ZIM2: variants seen among roughly 807,000 people sequenced by gnomAD.
The protein encoded by ZIM2 is zinc finger protein 656.
ZIM2 carries 14 observed loss-of-function variants against 38.6 expected under a neutral mutation model. The ratio of observed to expected loss-of-function variants is 0.36; its 90% confidence interval spans 0.24 to 0.57. The LOEUF is 0.57. Ranked by LOEUF, ZIM2 falls within the 20% of genes least tolerant of loss-of-function variation. The probability of loss-of-function intolerance (pLI) is 0.81; values close to 1 mark genes in which losing one functional copy is unlikely to be tolerated. For synonymous variants in ZIM2, 247 were observed against 245.8 expected (o/e 1.00, Z -0.04); for missense variants, 680 against 695.1 (o/e 0.98, Z 0.24).
rs549496099 is a variant in ZIM2, at chr19:56,792,761, TCCA to T, written c.491-2813_491-2811del. Among the ~76,000 whole-genome samples, 614 of 152,128 alleles carry T rather than the reference TCCA, an allele frequency of 4.0e-3. 4 individuals carry two copies. Among genetic ancestry groups the T allele is most frequent in the African/African-American group, 0.014 (577 of 41,498 alleles). On this transcript the variant is annotated intron_variant, in intron 9 of 12. Coordinates refer to ENST00000629319, the MANE Select transcript of ZIM2 (RefSeq NM_001387356.1). ...ATTAGAAGCCCAAACTTCAGCAGCA[TCCA>T]ATATACCCATGTAATAAACTTGCAA...
rs548849327 is a variant in ZIM2, at chr19:56,817,620, TAAG to T, written c.490+123_490+125del. The stretch of plus-strand genomic sequence containing the variant: ...AAATGTAAATACTCCCTAGTCCCCA[TAAG>T]AAGGACAGTGGGACTTGGAGGGGTG... On this transcript the variant is annotated intron_variant, in intron 9 of 12. Coordinates refer to ENST00000629319, the MANE Select transcript of ZIM2 (RefSeq NM_001387356.1). 1.2e-3 allele frequency: 1,919 copies of T among 1,552,098 alleles called. 20 individuals carry two copies. The African/African-American group carries it at 0.023, about 19-fold the overall frequency.
At chr19:56,816,719 T>A in intron 9 of ZIM2, 1 of 1,614,176 alleles carries the variant, frequency 6.2e-7, no homozygotes, top group Non-Finnish European at 8.5e-7. Flanking sequence ...AGGGCAGAAC[T>A]ATGAAGGAAG....
intron 7 of ZIM2, among the ~76,000 whole-genome samples, chr19:56,819,056 G>A (rs1305344033): frequency 6.6e-6 from 1 of 152,222 alleles, no homozygotes; most frequent in African/African-American, 2.4e-5. Flanking sequence ...TTCAGGGTGG[G>A]CCTGAACAGT....
rs1187440479 is a variant in ZIM2 at position 56,814,185 on chromosome 19, G to A, written c.490+3561C>T. The A allele has an allele frequency of 9.3e-6, 15 of 1,612,890 alleles. No individual in the cohort carries two copies. Among genetic ancestry groups the A allele is most frequent in the Middle Eastern group, 1.6e-4 (1 of 6,082 alleles). Reference sequence around the variant, plus strand: ...CTCCATCTGGCCCTTCAGCCTCTCCGTTTGGCTCAGCAGCCTCCACTTCTG... The same window carrying A: ...CTCCATCTGGCCCTTCAGCCTCTCCATTTGGCTCAGCAGCCTCCACTTCTG... On this transcript the variant is annotated intron_variant, in intron 9 of 12. Transcript: ENST00000629319. The surrounding 1 kb of genome is among the most constrained non-coding windows in gnomAD (Gnocchi z 5.8).
At chr19:56,827,657 T>C (rs1394638773) in intron 2 of ZIM2, among the ~76,000 whole-genome samples, 2 of 152,246 alleles carry the variant, frequency 1.3e-5, no homozygotes, top group Non-Finnish European at 2.9e-5. Flanking sequence ...CTCAGAGATA[T>C]GTAATGACCT....
At chr19:56,782,506 T>G (rs1397175011) in intron 10 of ZIM2, 2 of 450,518 alleles carry the variant, frequency 4.4e-6, no homozygotes, top group Non-Finnish European at 8.9e-6. Flanking sequence ...TGAAGAAATA[T>G]TCAATCTTGT....
chr19:56,812,636 G>A, intron 9 of ZIM2: 2 of 985,660 alleles, frequency 2.0e-6, no homozygotes, highest in Non-Finnish European at 2.4e-6. Context: ...GTGATGAAAG[G>A]TTATTAGCCT....
rs755680302 is a variant in ZIM2 at position 56,814,113 on chromosome 19, GGCCTCTCCATTTGGCTGTCCA to G, written c.490+3612_490+3632del. On this transcript the variant is annotated intron_variant, in intron 9 of 12. Transcript: ENST00000629319. This position sits in a 1 kb window ranked among gnomAD's most constrained non-coding sequence, Gnocchi z 5.8. ...CATCAGCATCCCCATTTGGCTGCTCGGCCTCTCCATTTGGCTGTCCAGCCTCTCCAATGGGCTCTGCAGCCT... is the reference window on the plus strand; with the variant it reads ...CATCAGCATCCCCATTTGGCTGCTCGGCCTCTCCAATGGGCTCTGCAGCCT... 5.0e-6 allele frequency: 8 copies of G among 1,613,802 alleles called. No individual in the cohort carries two copies. Among genetic ancestry groups the G allele is most frequent in the Middle Eastern group, 1.6e-4 (1 of 6,062 alleles).
rs2045925023 is a variant in ZIM2, at chr19:56,774,915, G to C, written c.1450C>G (p.Arg484Gly). ...ACGTAGTCATGTTTCCGCTGATAAC[G>C]AATTAAGTATGTCTTGCTGTGGGAC... ...GLSHSKTYLI[R>G]YQRKHDYVGE... is the part of the protein sequence containing the mutation. Residue 484 changes from arginine to glycine, a missense_variant, in exon 13 of 13, where the codon CGT becomes GGT. Coordinates refer to ENST00000629319, the MANE Select transcript of ZIM2 (RefSeq NM_001387356.1). The C allele has an allele frequency of 6.2e-7, 1 of 1,614,030 alleles. No homozygotes were observed. The highest frequency in any genetic ancestry group is 1.7e-5 in the Admixed American group (1 of 60,000).
chr19:56,836,969 C>CAAAAAAAAA (rs573566620), intron 1 of ZIM2, among the ~76,000 whole-genome samples: 5 of 116,990 alleles, frequency 4.3e-5, no homozygotes, highest in East Asian at 2.9e-4. Context: ...GACTCTGTCT[C>CAAAAAAAAA]AAAAAAAAAA....
At chr19:56,832,443 C>T (rs571852232) in intron 2 of ZIM2, among the ~76,000 whole-genome samples, 3 of 152,312 alleles carry the variant, frequency 2.0e-5, no homozygotes, top group South Asian at 2.1e-4. Context: ...GCTGTCTAGC[C>T]GTCATATGGC....
At chr19:56,805,607 A>G (rs537631889) in intron 9 of ZIM2, among the ~76,000 whole-genome samples, 24 of 152,158 alleles carry the variant, frequency 1.6e-4, no homozygotes, top group African/African-American at 5.3e-4. Flanking sequence ...TGGCATATGG[A>G]TCTCTTGTGG....
chr19:56,775,327 A>T lies in ZIM2; in HGVS notation c.1038T>A (p.Cys346Ter). The T allele has an allele frequency of 1.9e-6, 3 of 1,614,176 alleles. No individual in the cohort carries two copies. The highest frequency in any genetic ancestry group is 2.5e-6 in the Non-Finnish European group (3 of 1,180,020). ...DPQEGTAPGICTSPQSASQEN... is the reference protein window; with the variant it reads ...DPQEGTAPGI ...CTTGGGATGCTGACTGGGGACTCGT[A>T]CATATTCCAGGAGCAGTGCCTTCCT... Residue 346 changes from cysteine to a stop codon, truncating the protein, a stop_gained, in exon 13 of 13, where the codon TGT becomes TGA. Coordinates refer to ENST00000629319, the MANE Select transcript of ZIM2 (RefSeq NM_001387356.1). LOFTEE classifies it low-confidence loss of function (END_TRUNC).
intron 3 of ZIM2, chr19:56,824,779 T>C: frequency 1.1e-6 from 1 of 949,228 alleles, no homozygotes; most frequent in Middle Eastern, 3.1e-4. Flanking sequence ...GTCCCAGAAG[T>C]TGAAGACCAG....
intron 9 of ZIM2, chr19:56,811,555 C>T (rs963146405): frequency 3.2e-5 from 32 of 985,164 alleles, no homozygotes; most frequent in East Asian, 1.1e-4. Flanking sequence ...AAGGTTGGAA[C>T]GGACACCCTG....
intron 3 of ZIM2, among the ~76,000 whole-genome samples, chr19:56,826,102 G>A (rs1392662479): frequency 1.3e-5 from 2 of 152,146 alleles, no homozygotes; most frequent in South Asian, 2.1e-4. Context: ...GAGAAACCAC[G>A]GAGAGCACAA....
Position 56,814,098 on chromosome 19 carries a change from CCCATTTGGCTGCTCGGCCTCT to C in ZIM2, c.490+3627_490+3647del. The C allele has an allele frequency of 1.2e-6, 2 of 1,613,990 alleles. No homozygotes were observed. The highest frequency in any genetic ancestry group is 1.7e-6 in the Non-Finnish European group (2 of 1,180,002). ...CTGCACCATCTGGCTCATCAGCATC[CCCATTTGGCTGCTCGGCCTCT>C]CCATTTGGCTGTCCAGCCTCTCCAA... is the stretch of plus-strand genomic sequence containing the variant. On this transcript the variant is annotated intron_variant, in intron 9 of 12. Coordinates refer to ENST00000629319, the MANE Select transcript of ZIM2 (RefSeq NM_001387356.1). The surrounding 1 kb of genome is among the most constrained non-coding windows in gnomAD (Gnocchi z 5.8).
chr19:56,837,837 G>A (rs1029920540), intron 1 of ZIM2, among the ~76,000 whole-genome samples: 1 of 151,728 alleles, frequency 6.6e-6, no homozygotes, highest in Admixed American at 6.6e-5. Context: ...CCCCGCCACC[G>A]GCCAACACAC....
intron 1 of ZIM2, among the ~76,000 whole-genome samples, chr19:56,837,484 GT>G (rs2062287628): frequency 6.6e-6 from 1 of 152,192 alleles, no homozygotes; most frequent in Admixed American, 6.5e-5. Flanking sequence ...AAACGTCTGA[GT>G]TTGGCCTTGG....
Sources: allele counts gnomAD v4.1 joint callset (sites outside exome capture counted in the v4.1 genomes callset), GRCh38; gene constraint gnomAD v4.1.1; non-coding constraint Gnocchi (gnomAD v3.1); transcripts MANE v1.5; gene names NCBI Gene and HGNC (gene_info 2026-07-23, HGNC 2026-07-21).